The following SSH2 variants were observed in gnomAD, a reference collection of about 807,000 sequenced individuals.
SSH2 encodes the protein slingshot protein phosphatase 2.
In SSH2, 37 loss-of-function variants were observed where a neutral mutation model predicts 135.2. The observed-to-expected ratio is 0.27, with a 90% CI of 0.21 to 0.36. The LOEUF (loss-of-function observed/expected upper bound fraction) is 0.36, where lower values mean the gene tolerates loss of function less well. SSH2 is among the 10% of genes least tolerant of loss of function. SSH2 has a pLI of 1.00. For missense variants in SSH2, 1,408 were observed against 1,765.3 expected (o/e 0.80, Z 3.63); for synonymous variants, 628 against 646.2 (o/e 0.97, Z 0.43).
At chr17:29,666,079 C>T (rs770296779) in intron 11 of SSH2, among the ~76,000 whole-genome samples, 1 of 151,904 alleles carries the variant, frequency 6.6e-6, no homozygotes, top group African/African-American at 2.4e-5. Flanking sequence ...TGGCTCATGC[C>T]GGTAATTTGG....
At chr17:29,743,907 C>CTTTTTTTTT (rs59540894) in intron 3 of SSH2, among the ~76,000 whole-genome samples, 9 of 99,842 alleles carry the variant, frequency 9.0e-5, no homozygotes, top group African/African-American at 1.5e-4. Context: ...TTCTTTTTTC[C>CTTTTTTTTT]TTTTTTTTTT....
At chr17:29,847,908 C>T (rs1567606464) in intron 2 of SSH2, among the ~76,000 whole-genome samples, 3 of 152,172 alleles carry the variant, frequency 2.0e-5, no homozygotes, top group Non-Finnish European at 4.4e-5. Context: ...CCTTAATTTA[C>T]ATGTAATTGA....
At chr17:29,711,275 GA>G (rs1385820876) in intron 3 of SSH2, among the ~76,000 whole-genome samples, 2 of 152,268 alleles carry the variant, frequency 1.3e-5, no homozygotes, top group East Asian at 3.9e-4. Context: ...CTGAAGGGGG[GA>G]AAAAGGATCT....
intron 1 of SSH2, 30 bp downstream of exon 1, chr17:29,929,908 C>T (rs1420579655): frequency 6.4e-7 from 1 of 1,567,676 alleles, no homozygotes; most frequent in Admixed American, 1.8e-5. Context: ...GTGACAGAAG[C>T]AAGCGGAGCG....
intron 9 of SSH2, among the ~76,000 whole-genome samples, chr17:29,670,412 C>A (rs2037445508): frequency 6.6e-6 from 1 of 152,208 alleles, no homozygotes; most frequent in African/African-American, 2.4e-5. Flanking sequence ...AAGGTCCTAG[C>A]AGCAAAAACA....
chr17:29,666,723 G>A, intron 11 of SSH2, 144 bp downstream of exon 11: 1 of 712,622 alleles, frequency 1.4e-6, no homozygotes, highest in Non-Finnish European at 2.3e-6. Context: ...TAATTAGGAA[G>A]TGATGAGGTT....
chr17:29,636,895 G>GT, intron 14 of SSH2, 93 bp from the exon 15 acceptor site: 1 of 907,494 alleles, frequency 1.1e-6, no homozygotes, highest in Non-Finnish European at 1.7e-6. Context: ...ATCTTAACTT[G>GT]TAAAAATGCT....
At position 29,804,430 on chromosome 17, in the gene SSH2, C is replaced by T. The variant is rs150825626; in HGVS notation, c.145-10493G>A. 9.9e-4 allele frequency among the ~76,000 whole-genome samples: 150 copies of T among 152,246 alleles called. 2 individuals carry two copies. The Middle Eastern group carries it at 0.01, about 10-fold the overall frequency. ...GCTTTGATTCTAAAGAAAAAAAAGT[C>T]CTTGGACAACAGCTAATTTAAGAGA... On this transcript the variant is annotated intron_variant, in intron 2 of 15. Transcript: ENST00000540801.
At chr17:29,684,825 A>C in intron 5 of SSH2, 141 bp from the exon 6 acceptor site, 2 of 665,602 alleles carry the variant, frequency 3.0e-6, no homozygotes, top group Non-Finnish European at 4.7e-6. Flanking sequence ...TTAAAATCTC[A>C]GCTCGTACAC....
At chr17:29,777,135 C>A (rs941197743) in intron 3 of SSH2, among the ~76,000 whole-genome samples, 5 of 151,668 alleles carry the variant, frequency 3.3e-5, no homozygotes, top group African/African-American at 1.2e-4. Context: ...TTGCTTGAAT[C>A]TGGAAGATGG....
intron 3 of SSH2, among the ~76,000 whole-genome samples, chr17:29,761,584 C>A (rs2041308938): frequency 6.6e-6 from 1 of 152,142 alleles, no homozygotes; most frequent in African/African-American, 2.4e-5. Flanking sequence ...TTTAGGGCAT[C>A]CGGCGGCCCC....
intron 1 of SSH2, among the ~76,000 whole-genome samples, chr17:29,913,339 A>ATTATATAT (rs2066802581): frequency 3.9e-5 from 2 of 51,822 alleles, no homozygotes; most frequent in Non-Finnish European, 8.1e-5. Flanking sequence ...AAAAAAAAAA[A>ATTATATAT]AAAAAAAAAT....
At chr17:29,791,245 C>T (rs533319698) in intron 3 of SSH2, among the ~76,000 whole-genome samples, 6 of 152,020 alleles carry the variant, frequency 3.9e-5, no homozygotes, top group East Asian at 3.9e-4. Context: ...CCACCACACC[C>T]GGCTAATTTT....
At chr17:29,665,812 T>C (rs2037246561) in intron 11 of SSH2, among the ~76,000 whole-genome samples, 1 of 152,216 alleles carries the variant, frequency 6.6e-6, no homozygotes, top group Non-Finnish European at 1.5e-5. Context: ...AGAGGTCTCC[T>C]TGGGCTAATT....
At chr17:29,817,985 G>A (rs1426322868) in intron 2 of SSH2, among the ~76,000 whole-genome samples, 2 of 151,736 alleles carry the variant, frequency 1.3e-5, no homozygotes, top group Admixed American at 1.3e-4. Context: ...ACCCAGGGTG[G>A]GCTCAAACTC....
chr17:29,888,239 T>G (rs1661449322), intron 1 of SSH2, among the ~76,000 whole-genome samples: 1 of 151,810 alleles, frequency 6.6e-6, no homozygotes, highest in Admixed American at 6.6e-5. Flanking sequence ...CCCTGTCCCA[T>G]CCACCCTACC....
At chr17:29,692,750 CTGT>C (rs1318181313) in intron 5 of SSH2, among the ~76,000 whole-genome samples, 8 of 152,188 alleles carry the variant, frequency 5.3e-5, no homozygotes, top group African/African-American at 1.9e-4. Context: ...GTGCAAGTGA[CTGT>C]TGTTATGGGT....
intron 9 of SSH2, among the ~76,000 whole-genome samples, chr17:29,668,659 C>A (rs2037369658): frequency 6.6e-6 from 1 of 152,016 alleles, no homozygotes; most frequent in Non-Finnish European, 1.5e-5. Flanking sequence ...ACTGCTTGAG[C>A]CCCAGAGGTG....
intron 3 of SSH2, among the ~76,000 whole-genome samples, chr17:29,709,596 G>C (rs983000722): frequency 3.3e-5 from 5 of 152,096 alleles, no homozygotes; most frequent in African/African-American, 1.2e-4. Context: ...AGAATTGCTT[G>C]AACTCTGGAG....
Sources: gnomAD v4.1 joint callset for allele counts (sites outside exome capture counted in the v4.1 genomes callset) on GRCh38, gnomAD v4.1.1 for gene constraint, MANE v1.5 for transcripts, NCBI Gene and HGNC (gene_info 2026-07-23, HGNC 2026-07-21) for gene names.